TP73: variants seen among roughly 807,000 people sequenced by gnomAD.
TP73 encodes the protein p53-like transcription factor.
Under a neutral mutation model 62.5 loss-of-function variants are expected in TP73, and 25 were observed. That is an observed-to-expected ratio of 0.40 (90% confidence interval 0.29 to 0.56). The LOEUF (loss-of-function observed/expected upper bound fraction) is 0.56, where lower values mean the gene tolerates loss of function less well. Ranked by LOEUF, TP73 falls within the 20% of genes least tolerant of loss-of-function variation. The pLI is 0.46. For synonymous variants in TP73, 423 were observed against 377.5 expected (o/e 1.12, Z -1.40); for missense variants, 754 against 913.3 (o/e 0.83, Z 2.25).
At position 3,732,896 on chromosome 1, in the gene TP73, A is replaced by G; in HGVS notation, c.1728A>G (p.Glu576=). The stretch of plus-strand genomic sequence containing the variant: ...CCATCTCCATCGGCGGCTCAGGGGA[A>G]CTGCAGCGCCAGCGGGTCATGGAGG... ...AATISIGGSG[E]LQRQRVMEAV... Residue 576 remains glutamate (E), a synonymous_variant, in exon 14 of 14, where the codon GAA becomes GAG. Transcript: ENST00000378295. 2 of 1,611,356 alleles carry G rather than the reference A, an allele frequency of 1.2e-6. No individual in the cohort carries two copies. The highest frequency in any genetic ancestry group is 2.2e-5 in the South Asian group (2 of 90,994).
At chr1:3,688,670 C>T (rs892938800) in intron 3 of TP73, among the ~76,000 whole-genome samples, 9 of 152,196 alleles carry the variant, frequency 5.9e-5, no homozygotes, top group African/African-American at 1.4e-4. Flanking sequence ...GCCTTGGGAA[C>T]GTTTGCAGAA....
chr1:3,707,361 G>C (rs1266203593), intron 3 of TP73, among the ~76,000 whole-genome samples, 188 bp from the exon 4 acceptor site: 2 of 152,192 alleles, frequency 1.3e-5, no homozygotes, highest in Non-Finnish European at 2.9e-5. Context: ...AGGGGAGGGC[G>C]AGGTGAATAT....
At chr1:3,732,169 G>C (rs191513392) in intron 13 of TP73, among the ~76,000 whole-genome samples, 446 of 152,298 alleles carry the variant, frequency 2.9e-3, no homozygotes, top group Non-Finnish European at 4.6e-3. Context: ...CAGTGCCGCG[G>C]CCCAGGTCCA....
Position 3,699,599 on chromosome 1 carries a change from A to G in TP73, c.187-7950A>G, listed in dbSNP as rs1273970426. Among the ~76,000 whole-genome samples, 1 of 152,176 alleles carries G rather than the reference A, an allele frequency of 6.6e-6. No homozygotes were observed. Among genetic ancestry groups the G allele is most frequent in the Non-Finnish European group, 1.5e-5 (1 of 68,032 alleles). ...TGGAAACGTCTGTCACGGGCACACC[A>G]TGCACCATGCCATGGCTGCCAGTGG... On this transcript the variant is annotated intron_variant, in intron 3 of 13. Coordinates refer to ENST00000378295, the MANE Select transcript of TP73 (RefSeq NM_005427.4). The surrounding 1 kb of genome is among the most constrained non-coding windows in gnomAD (Gnocchi z 4.1).
At chr1:3,719,909 T>TGTGTGTGTTC (rs1553144509) in intron 4 of TP73, among the ~76,000 whole-genome samples, 16 of 150,930 alleles carry the variant, frequency 1.1e-4, no homozygotes, top group African/African-American at 3.9e-4. Context: ...TGTGTGTGTG[T>TGTGTGTGTTC]GTGTGTGTGT....
At chr1:3,730,684 G>T (rs1642067269) in intron 11 of TP73, among the ~76,000 whole-genome samples, 1 of 152,174 alleles carries the variant, frequency 6.6e-6, no homozygotes, top group South Asian at 2.1e-4. Flanking sequence ...AGCTGCGATT[G>T]CCCTTACAAC....
intron 1 of TP73, among the ~76,000 whole-genome samples, chr1:3,659,911 C>T (rs897746977): frequency 2.0e-5 from 3 of 152,136 alleles, no homozygotes; most frequent in Admixed American, 2.0e-4. Context: ...AACTCCTGAC[C>T]TCACAGGATC....
intron 3 of TP73, chr1:3,690,546 C>T (rs187257708): frequency 7.1e-4 from 695 of 977,178 alleles, no homozygotes; most frequent in Non-Finnish European, 8.1e-4. Context: ...CGCTGACCGG[C>T]GTCCCCGCCC....
At position 3,727,800 on chromosome 1, in the gene TP73, G is replaced by A. The variant is rs571470041; in HGVS notation, c.985+30G>A. ...GCGGCCGGCCAGGGGAACTGGACGC[G>A]TGTGGGAGGAGAAGGGGACACATTG... On this transcript the variant is annotated intron_variant, in intron 8 of 13. Coordinates refer to ENST00000378295, the MANE Select transcript of TP73 (RefSeq NM_005427.4). 1.6e-5 allele frequency: 24 copies of A among 1,505,262 alleles called. No homozygotes were observed. The South Asian group carries it at 2.2e-4, about 14-fold the overall frequency. The allele number at this position is 1,505,262 out of a possible 1,614,324, so 93.2% of individuals were successfully genotyped here.
At chr1:3,697,994 C>A in intron 3 of TP73, 2 of 761,766 alleles carry the variant, frequency 2.6e-6, no homozygotes, top group Non-Finnish European at 3.2e-6. Flanking sequence ...CTGCACTGCA[C>A]GTGTCATAAT....
intron 1 of TP73, among the ~76,000 whole-genome samples, chr1:3,657,222 C>G (rs140896804): frequency 7.2e-5 from 11 of 152,196 alleles, no homozygotes; most frequent in African/African-American, 2.4e-4. Context: ...TGGGCAGGGT[C>G]GGGTTCCCTC....
rs779902863 is a variant in TP73, at chr1:3,732,796, G to T, written c.1628G>T (p.Arg543Leu). ...IPEQYRMTIW[R>L]GLQDLKQGHD... Reference sequence around the variant, plus strand: ...GAGCAGTACCGCATGACCATCTGGCGGGGCCTGCAGGACCTGAAGCAGGGC... The same window carrying T: ...GAGCAGTACCGCATGACCATCTGGCTGGGCCTGCAGGACCTGAAGCAGGGC... Residue 543 changes from arginine to leucine, a missense_variant, in exon 14 of 14, where the codon CGG becomes CTG. Transcript: ENST00000378295. 1.1e-5 allele frequency: 18 copies of T among 1,604,690 alleles called. No homozygotes were observed. Among genetic ancestry groups the T allele is most frequent in the Non-Finnish European group, 1.5e-5 (18 of 1,174,106 alleles).
At chr1:3,717,491 G>A (rs751018373) in intron 4 of TP73, among the ~76,000 whole-genome samples, 4 of 152,270 alleles carry the variant, frequency 2.6e-5, no homozygotes, top group Non-Finnish European at 5.9e-5. Context: ...GATTTTATCA[G>A]CTCGGAATCT....
rs1415073276 is a variant in TP73 at position 3,663,199 on chromosome 1, G to A, written c.-34+10558G>A. ...CTTCTTCACGAGGCTGGTGGCTGCG[G>A]CACCTACAAAGACAGGTTAACAAGA... On this transcript the variant is annotated intron_variant, in intron 1 of 13. Coordinates refer to ENST00000378295, the MANE Select transcript of TP73 (RefSeq NM_005427.4). This position sits in a 1 kb window ranked among gnomAD's most constrained non-coding sequence, Gnocchi z 4.7. 6.6e-6 allele frequency among the ~76,000 whole-genome samples: 1 copy of A among 152,168 alleles called. No individual in the cohort carries two copies. The highest frequency in any genetic ancestry group is 1.5e-5 in the Non-Finnish European group (1 of 68,032).
chr1:3,674,814 G>A (rs1488804964), intron 1 of TP73, among the ~76,000 whole-genome samples: 1 of 152,228 alleles, frequency 6.6e-6, no homozygotes, highest in Non-Finnish European at 1.5e-5. Context: ...ACGCCCTGCA[G>A]GAATTCCGCT....
chr1:3,665,567 G>A (rs1645092116), intron 1 of TP73, among the ~76,000 whole-genome samples: 1 of 152,026 alleles, frequency 6.6e-6, no homozygotes, highest in Non-Finnish European at 1.5e-5. Context: ...AAAACCGGAA[G>A]GACTTGATAT....
intron 3 of TP73, among the ~76,000 whole-genome samples, chr1:3,693,157 C>G (rs1050252453): frequency 1.3e-5 from 2 of 152,140 alleles, no homozygotes; most frequent in Admixed American, 6.5e-5. Context: ...TAGGCTGGGC[C>G]ATCCTAATGG....
intron 8 of TP73, 86 bp downstream of exon 8, chr1:3,727,856 G>A: frequency 6.9e-7 from 1 of 1,447,464 alleles, no homozygotes; most frequent in South Asian, 1.4e-5. Context: ...GCGTCCCAGG[G>A]ACAGGGCCAG....
intron 4 of TP73, among the ~76,000 whole-genome samples, chr1:3,710,419 G>A (rs1050845642): frequency 1.3e-4 from 20 of 152,280 alleles, no homozygotes; most frequent in African/African-American, 3.1e-4. Context: ...GAACGGGGCC[G>A]CCGGGCAGCC....
Sources: allele counts gnomAD v4.1 joint callset (sites outside exome capture counted in the v4.1 genomes callset), GRCh38; gene constraint gnomAD v4.1.1; non-coding constraint Gnocchi (gnomAD v3.1); transcripts MANE v1.5; gene names NCBI Gene and HGNC (gene_info 2026-07-23, HGNC 2026-07-21).